Variants in TVP23C observed in about 807,000 individuals in gnomAD.
TVP23C encodes Golgi apparatus membrane protein TVP23 homolog C.
Under a neutral mutation model 28.7 loss-of-function variants are expected in TVP23C, and 19 were observed. The observed-to-expected ratio is 0.66, with a 90% confidence interval of 0.46 to 0.97. TVP23C has a LOEUF of 0.97. Among genes scored for constraint, TVP23C ranks in the 50% least tolerant of loss-of-function variants. TVP23C has a pLI of 0.00. For missense variants in TVP23C, 186 were observed against 241.3 expected (o/e 0.77, Z 1.52); for synonymous variants, 68 against 81.7 (o/e 0.83, Z 0.90).
intron 3 of TVP23C, among the ~76,000 whole-genome samples, chr17:15,550,475 T>C (rs1983838631): frequency 6.6e-6 from 1 of 152,236 alleles, no homozygotes; most frequent in Non-Finnish European, 1.5e-5. Flanking sequence ...CTCTCTGTCA[T>C]ACAAAGTCCC....
At chr17:15,505,551 C>T (rs1981685875) in intron 5 of TVP23C, among the ~76,000 whole-genome samples, 1 of 152,204 alleles carries the variant, frequency 6.6e-6, no homozygotes, top group African/African-American at 2.4e-5. Context: ...CCTCAGAGCC[C>T]CGCTTGCTCT....
intron 5 of TVP23C, among the ~76,000 whole-genome samples, chr17:15,526,851 AT>A (rs1198482794): frequency 6.6e-6 from 1 of 152,262 alleles, no homozygotes; most frequent in Non-Finnish European, 1.5e-5. Flanking sequence ...TGTGAAAAAA[AT>A]AAATAACAGG....
In TVP23C at chr17:15,502,944, T is replaced by C. The variant is rs778176703; in HGVS notation, c.751A>G (p.Arg251Gly). 4.3e-5 allele frequency: 70 copies of C among 1,613,812 alleles called. No individual in the cohort carries two copies. In the East Asian group the frequency reaches 1.6e-3, roughly 36 times the overall value. Residue 251 changes from arginine to glycine, a missense_variant, in exon 6 of 6, where the codon AGG becomes GGG. Transcript: ENST00000225576. ...CTATTGGGACTCTCCCCACCTCCCC[T>C]CCAGGCCCAAAGCCGCAAGGAGAGA... is the stretch of plus-strand genomic sequence containing the variant.
chr17:15,502,969 A>T, exon 6 of TVP23C: 3 of 1,614,178 alleles, frequency 1.9e-6, no homozygotes, highest in Non-Finnish European at 2.5e-6. Context: ...GCAAGGAGAG[A>T]AATAGGCGGG....
At chr17:15,528,128 T>C (rs575387755) in intron 5 of TVP23C, among the ~76,000 whole-genome samples, 1 of 152,294 alleles carries the variant, frequency 6.6e-6, no homozygotes, top group South Asian at 2.1e-4. Context: ...AATCTATTAT[T>C]TCCTTCCTTC....
chr17:15,503,045 G>A, exon 6 of TVP23C: 1 of 1,613,956 alleles, frequency 6.2e-7, no homozygotes, highest in South Asian at 1.1e-5. Flanking sequence ...GCGGGGCGCA[G>A]GTTTCCAGTA....
In TVP23C at chr17:15,507,174, G is replaced by A. The variant is rs190671545; in HGVS notation, c.463-3942C>T. ...CTTGTCCATGGCAAATGCAGGACCC[G>A]ATACAAACGGTTCCTAATTTTTCAT... On this transcript the variant is annotated intron_variant, in intron 5 of 5. Transcript: ENST00000225576. 4.3e-5 allele frequency: 32 copies of A among 748,436 alleles called. No homozygotes were observed. The East Asian group carries it at 7.4e-4, about 17-fold the overall frequency. The allele number at this position is 748,436 out of a possible 1,614,324, so 46.4% of individuals were successfully genotyped here.
rs1983272261 is a variant in TVP23C, at chr17:15,538,764, T to C, written c.*1648A>G. 1 of 985,388 alleles carries C rather than the reference T, an allele frequency of 1.0e-6. No homozygotes were observed. Among genetic ancestry groups the C allele is most frequent in the Non-Finnish European group, 1.2e-6 (1 of 829,930 alleles). 61.0% of individuals were successfully genotyped at this position (985,388 alleles called of 1,614,324 possible). ...AAGGTTTAATTTCACCTGTATTCCA[T>C]GTTCCTCCCCACCTTCAGAAACACT... On this transcript the variant is annotated 3_prime_UTR_variant, in exon 6 of 6. Coordinates refer to ENST00000518321, the MANE Select transcript of TVP23C (RefSeq NM_001135036.2).
intron 5 of TVP23C, among the ~76,000 whole-genome samples, chr17:15,509,393 T>C (rs1029490937): frequency 6.6e-6 from 1 of 152,214 alleles, no homozygotes; most frequent in Non-Finnish European, 1.5e-5. Context: ...TGGCTACAAC[T>C]AGTCAGGAAA....
In TVP23C at chr17:15,563,349, G is replaced by A. The variant is rs1236889759; in HGVS notation, c.12+88C>T. The A allele has an allele frequency of 3.9e-6, 6 of 1,527,800 alleles. No individual in the cohort carries two copies. In the African/African-American group the frequency reaches 5.5e-5, roughly 14 times the overall value. 94.6% of individuals were successfully genotyped at this position (1,527,800 alleles called of 1,614,324 possible). ...GCTCCTCCTCGAGTTCGAGTAGCGG[G>A]CGCGGGGGACGCGGGCTCCAGTCCC... On this transcript the variant is annotated intron_variant, in intron 1 of 5. Coordinates refer to ENST00000518321, the MANE Select transcript of TVP23C (RefSeq NM_001135036.2).
Position 15,539,337 on chromosome 17 carries a change from G to A in TVP23C, c.*1075C>T, listed in dbSNP as rs1430013540. 18 of 984,728 alleles carry A rather than the reference G, an allele frequency of 1.8e-5. No homozygotes were observed. The South Asian group carries it at 3.8e-4, about 21-fold the overall frequency. 61.0% of individuals were successfully genotyped at this position (984,728 alleles called of 1,614,324 possible). A position where few individuals can be genotyped will look rare whatever the true frequency, so the allele number is the denominator to read the frequency against. ...AAAGACCTAGTCACGGCCAGGCGCCGTGGCTCACGCCTGTAATCCCAGCAC... is the reference window on the plus strand; with the variant it reads ...AAAGACCTAGTCACGGCCAGGCGCCATGGCTCACGCCTGTAATCCCAGCAC... On this transcript the variant is annotated 3_prime_UTR_variant, in exon 6 of 6. Transcript: ENST00000518321.
intron 3 of TVP23C, among the ~76,000 whole-genome samples, chr17:15,550,027 TCTAA>T (rs1983820465): frequency 6.6e-6 from 1 of 152,228 alleles, no homozygotes; most frequent in African/African-American, 2.4e-5. Flanking sequence ...GTTTCCATTT[TCTAA>T]CTCTTTATTT....
chr17:15,539,535 G>T lies in TVP23C; in HGVS notation c.*877C>A, dbSNP rs545030086. ...GGAGAATGGCGTGAACCCGGGAGGC[G>T]GAGCTTGCAGTAAGCCGAGATCACG... On this transcript the variant is annotated 3_prime_UTR_variant, in exon 6 of 6. Transcript: ENST00000518321. 2.9e-6 allele frequency: 2 copies of T among 690,534 alleles called. No individual in the cohort carries two copies. The allele number at this position is 690,534 out of a possible 1,614,324, so 42.8% of individuals were successfully genotyped here.
At chr17:15,530,338 G>T (rs917186313) in intron 5 of TVP23C, among the ~76,000 whole-genome samples, 6 of 152,002 alleles carry the variant, frequency 3.9e-5, no homozygotes, top group Non-Finnish European at 5.9e-5. Flanking sequence ...TTGCCCTAGG[G>T]ACTATGATTA....
At chr17:15,552,388 G>A (rs1462906745) in intron 3 of TVP23C, among the ~76,000 whole-genome samples, 2 of 152,108 alleles carry the variant, frequency 1.3e-5, no homozygotes, top group Non-Finnish European at 2.9e-5. Flanking sequence ...ATATCTTTAA[G>A]AATTAAAAGA....
chr17:15,519,711 C>T (rs1428132315), intron 5 of TVP23C, among the ~76,000 whole-genome samples: 3 of 152,056 alleles, frequency 2.0e-5, no homozygotes, highest in Admixed American at 2.0e-4. Flanking sequence ...AACATCCAGA[C>T]CATCCTGGCT....
chr17:15,515,467 C>T (rs1355089834), intron 5 of TVP23C, among the ~76,000 whole-genome samples: 1 of 152,214 alleles, frequency 6.6e-6, no homozygotes, highest in African/African-American at 2.4e-5. Context: ...CCTGCCTCCA[C>T]TCGGGAAACA....
At chr17:15,524,547 G>A (rs977247682) in intron 5 of TVP23C, among the ~76,000 whole-genome samples, 3 of 152,172 alleles carry the variant, frequency 2.0e-5, no homozygotes, top group Admixed American at 6.5e-5. Context: ...TCATCAAATA[G>A]GAGGCGACGC....
intron 5 of TVP23C, among the ~76,000 whole-genome samples, chr17:15,542,317 G>A (rs777403746): frequency 1.3e-5 from 2 of 152,182 alleles, no homozygotes; most frequent in Non-Finnish European, 2.9e-5. Context: ...CCACCGGGTG[G>A]GAAGAAGGCA....
Sources: allele counts gnomAD v4.1 joint callset (sites outside exome capture counted in the v4.1 genomes callset), GRCh38; gene constraint gnomAD v4.1.1; transcripts MANE v1.5; gene names NCBI Gene and HGNC (gene_info 2026-07-23, HGNC 2026-07-21).